ASTN2: variants seen among roughly 807,000 people sequenced by gnomAD.
The protein encoded by ASTN2 is astrotactin 2.
ASTN2 carries 54 observed loss-of-function variants against 139.8 expected under a neutral mutation model. The observed-to-expected ratio is 0.39, with a 90% confidence interval of 0.31 to 0.48. ASTN2 has a LOEUF of 0.48. Among genes scored for constraint, ASTN2 ranks in the 20% least tolerant of loss-of-function variants. ASTN2 has a pLI of 0.95. For missense variants in ASTN2, 1,565 were observed against 1,725.1 expected, an observed-to-expected ratio of 0.91 and a Z score of 1.64; for synonymous variants, 756 against 719.5, an observed-to-expected ratio of 1.05 and a Z score of -0.81.
intron 3 of ASTN2, among the ~76,000 whole-genome samples, chr9:117,171,332 G>T (rs535258200): frequency 6.6e-6 from 1 of 152,254 alleles, no homozygotes; most frequent in South Asian, 2.1e-4. Flanking sequence ...TGCCTGCATG[G>T]GTTCCTGGCC....
At chr9:116,510,058 G>C (rs1016342137) in intron 19 of ASTN2, among the ~76,000 whole-genome samples, 5 of 152,218 alleles carry the variant, frequency 3.3e-5, no homozygotes, top group Admixed American at 2.6e-4. Context: ...TGCTTTTGGT[G>C]TTTGAGACAC....
chr9:116,632,503 TCTTAGCCTG>T (rs948899859), intron 17 of ASTN2, among the ~76,000 whole-genome samples: 2 of 152,084 alleles, frequency 1.3e-5, no homozygotes, highest in African/African-American at 4.8e-5. Context: ...CAACCATTTT[TCTTAGCCTG>T]GCACACACAG....
chr9:116,838,902 G>A (rs1012499023), intron 11 of ASTN2, among the ~76,000 whole-genome samples: 1 of 152,170 alleles, frequency 6.6e-6, no homozygotes, highest in Admixed American at 6.5e-5. Context: ...TAGCTCTGAA[G>A]TATTTAAGAG....
chr9:117,336,943 G>T (rs992394134), intron 1 of ASTN2, among the ~76,000 whole-genome samples: 1 of 152,156 alleles, frequency 6.6e-6, no homozygotes, highest in Non-Finnish European at 1.5e-5. Context: ...CAAAGGTATG[G>T]CTCCTCCGTT....
chr9:116,887,645 T>A (rs1166044865), intron 10 of ASTN2, among the ~76,000 whole-genome samples: 1 of 152,058 alleles, frequency 6.6e-6, no homozygotes, highest in Non-Finnish European at 1.5e-5. Context: ...AAGACTGCAA[T>A]GATGTAATTT....
intron 2 of ASTN2, among the ~76,000 whole-genome samples, chr9:117,284,426 G>C (rs186047485): frequency 8.5e-5 from 13 of 152,306 alleles, no homozygotes; most frequent in Non-Finnish European, 1.8e-4. Flanking sequence ...CATAAAAGGG[G>C]GAGAATTGGG....
rs200667934 is a variant in ASTN2, at chr9:116,725,909, G to A, written c.2668C>T (p.Arg890Trp). 11 of 1,613,740 alleles carry A rather than the reference G, an allele frequency of 6.8e-6. No homozygotes were observed. Among genetic ancestry groups the A allele is most frequent in the Admixed American group, 1.7e-5 (1 of 59,978 alleles). ...VLKILTKESS[R>W]EELLSFIQHY... ...TGGATGAAGGACAGCAGCTCCTCCC[G>A]ACTGCTCTCCTTGGTCAGGATCTTG... Residue 890 changes from arginine (R) to tryptophan (W), a missense_variant, in exon 16 of 23, where the codon CGG becomes TGG. Coordinates refer to ENST00000313400, the MANE Select transcript of ASTN2 (RefSeq NM_001365068.1).
intron 19 of ASTN2, among the ~76,000 whole-genome samples, chr9:116,565,408 T>C (rs1380705518): frequency 8.8e-6 from 1 of 114,120 alleles, no homozygotes; most frequent in Non-Finnish European, 1.8e-5. Context: ...TATATATATA[T>C]ATATATATAT....
chr9:116,811,766 C>T (rs1184984121), intron 12 of ASTN2, among the ~76,000 whole-genome samples: 6 of 152,122 alleles, frequency 3.9e-5, no homozygotes, highest in Non-Finnish European at 7.4e-5. Flanking sequence ...AGCTATTATG[C>T]TTATTATTGT....
chr9:116,731,198 A>C (rs573905364), intron 14 of ASTN2, among the ~76,000 whole-genome samples: 1 of 132,996 alleles, frequency 7.5e-6, no homozygotes, highest in African/African-American at 2.5e-5. Flanking sequence ...TAATAATAAT[A>C]ATAATAATAA....
intron 22 of ASTN2, among the ~76,000 whole-genome samples, chr9:116,430,540 C>T (rs972611810): frequency 3.9e-5 from 6 of 152,164 alleles, no homozygotes; most frequent in African/African-American, 1.4e-4. Context: ...AGCAATGATT[C>T]AAAGCAGAAT....
chr9:116,441,302 T>A (rs2118876728), intron 21 of ASTN2, among the ~76,000 whole-genome samples: 1 of 152,084 alleles, frequency 6.6e-6, no homozygotes, highest in East Asian at 2.0e-4. Flanking sequence ...CTGCTTCAGT[T>A]AGTCCTACTA....
intron 5 of ASTN2, among the ~76,000 whole-genome samples, chr9:117,081,842 C>T (rs1828436873): frequency 6.6e-6 from 1 of 152,136 alleles, no homozygotes; most frequent in Non-Finnish European, 1.5e-5. Flanking sequence ...GGAAAACAGG[C>T]ACATCACTCA....
At chr9:117,223,096 A>C (rs989755170) in intron 2 of ASTN2, among the ~76,000 whole-genome samples, 2 of 152,166 alleles carry the variant, frequency 1.3e-5, no homozygotes, top group Non-Finnish European at 2.9e-5. Context: ...AGGATCTAAA[A>C]TTTTTTTATG....
At chr9:116,994,548 A>G (rs972871371) in intron 7 of ASTN2, among the ~76,000 whole-genome samples, 1 of 152,222 alleles carries the variant, frequency 6.6e-6, no homozygotes, top group Non-Finnish European at 1.5e-5. Flanking sequence ...GAAATGCTCT[A>G]TATCTCTCCA....
chr9:116,467,565 G>A (rs1017585050), intron 20 of ASTN2, among the ~76,000 whole-genome samples: 3 of 152,166 alleles, frequency 2.0e-5, no homozygotes, highest in South Asian at 2.1e-4. Context: ...GCACCCGGCC[G>A]AGACAGAATC....
At chr9:116,757,895 G>A (rs1829576935) in intron 13 of ASTN2, among the ~76,000 whole-genome samples, 1 of 152,080 alleles carries the variant, frequency 6.6e-6, no homozygotes, top group Admixed American at 6.6e-5. Context: ...AATTTGTTAA[G>A]AATTAAATGA....
rs182884404 is a variant in ASTN2 at position 116,513,659 on chromosome 9, T to G, written c.3356-26159A>C. The stretch of plus-strand genomic sequence containing the variant: ...CACCTATCAGACGTAGATTTGGTCT[T>G]TTCACATAGTCCCATATTTCTTGGA... On this transcript the variant is annotated intron_variant, in intron 19 of 22. Coordinates refer to ENST00000313400, the MANE Select transcript of ASTN2 (RefSeq NM_001365068.1). Among the ~76,000 whole-genome samples the G allele has an allele frequency of 3.9e-3, 588 of 152,044 alleles. 5 individuals are homozygous for G. The highest frequency in any genetic ancestry group is 1.1e-3 in the Non-Finnish European group (72 of 67,970).
At chr9:117,130,286 G>A (rs1257814290) in intron 4 of ASTN2, among the ~76,000 whole-genome samples, 2 of 152,158 alleles carry the variant, frequency 1.3e-5, no homozygotes, top group African/African-American at 4.8e-5. Flanking sequence ...TCCAGCCTGG[G>A]TGACAGTAAG....
Sources: gnomAD v4.1 joint callset for allele counts (sites outside exome capture counted in the v4.1 genomes callset) on GRCh38, gnomAD v4.1.1 for gene constraint, MANE v1.5 for transcripts, NCBI Gene and HGNC (gene_info 2026-07-23, HGNC 2026-07-21) for gene names.